CUX2: variants seen among roughly 807,000 people sequenced by gnomAD.
The protein encoded by CUX2 is cut like homeobox 2, also known as homeobox protein cut-like 2.
Under a neutral mutation model 144.8 loss-of-function variants are expected in CUX2, and 40 were observed. The observed-to-expected ratio is 0.28, with a 90% CI of 0.21 to 0.36. CUX2 has a LOEUF of 0.36. Ranked by LOEUF, CUX2 falls within the 10% of genes least tolerant of loss-of-function variation. The pLI, the probability that CUX2 is intolerant of heterozygous loss-of-function variation, is 1.00. For synonymous variants in CUX2, 827 were observed against 875.6 expected (o/e 0.94, Z 0.98); for missense variants, 1,615 against 1,994.0 (o/e 0.81, Z 3.62).
At chr12:111,329,823 G>A (rs1888010828) in intron 18 of CUX2, among the ~76,000 whole-genome samples, 1 of 152,162 alleles carries the variant, frequency 6.6e-6, no homozygotes, top group Non-Finnish European at 1.5e-5. Flanking sequence ...TTTTAGTAGA[G>A]ATGGGGTTTC....
intron 1 of CUX2, among the ~76,000 whole-genome samples, chr12:111,197,819 C>T (rs1342900941): frequency 6.6e-6 from 1 of 152,198 alleles, no homozygotes; most frequent in Non-Finnish European, 1.5e-5. Flanking sequence ...AGTGAAATAA[C>T]ACAGCCCCAA....
At chr12:111,089,644 C>A (rs547887462) in intron 1 of CUX2, among the ~76,000 whole-genome samples, 1 of 152,286 alleles carries the variant, frequency 6.6e-6, no homozygotes, top group Non-Finnish European at 1.5e-5. Flanking sequence ...GAGGCAGCAT[C>A]GAAGCTGAGA....
At chr12:111,157,870 G>A (rs1033765891) in intron 1 of CUX2, among the ~76,000 whole-genome samples, 2 of 152,192 alleles carry the variant, frequency 1.3e-5, no homozygotes, top group Non-Finnish European at 2.9e-5. Flanking sequence ...GAAGAGGAAT[G>A]TTCACTGGCC....
chr12:111,073,894 T>G (rs1473362842), intron 1 of CUX2, among the ~76,000 whole-genome samples: 1 of 151,886 alleles, frequency 6.6e-6, no homozygotes, highest in Non-Finnish European at 1.5e-5. Flanking sequence ...AGTTCAAGGC[T>G]GCAGTGAGCG....
At chr12:111,217,991 C>T (rs1881641065) in intron 3 of CUX2, 54 bp downstream of exon 3, 3 of 1,597,520 alleles carry the variant, frequency 1.9e-6, no homozygotes, top group African/African-American at 1.3e-5. Context: ...GGCTCCCCCT[C>T]CTATCCCACC....
At chr12:111,043,788 T>C (rs1406508537) in intron 1 of CUX2, among the ~76,000 whole-genome samples, 3 of 152,152 alleles carry the variant, frequency 2.0e-5, no homozygotes, top group Non-Finnish European at 4.4e-5. Flanking sequence ...AGGACACATA[T>C]CTAGGAAGAA....
At chr12:111,252,018 A>G (rs1023605815) in intron 3 of CUX2, among the ~76,000 whole-genome samples, 38 of 152,230 alleles carry the variant, frequency 2.5e-4, no homozygotes, top group African/African-American at 8.9e-4. Flanking sequence ...CACCTCTACA[A>G]AAAAAGAAAA....
chr12:111,229,532 AAAATG>A (rs2136242824), intron 3 of CUX2, among the ~76,000 whole-genome samples: 1 of 152,302 alleles, frequency 6.6e-6, no homozygotes, highest in Admixed American at 6.5e-5. Context: ...CCTGTTCCAT[AAAATG>A]GGTTCTTGTA....
chr12:111,308,620 G>T, intron 14 of CUX2, 94 bp downstream of exon 14: 1 of 1,046,386 alleles, frequency 9.6e-7, no homozygotes, highest in Non-Finnish European at 1.4e-6. Flanking sequence ...TGCCTTCCAT[G>T]CAGGCAGGAG....
chr12:111,275,021 C>T (rs893760467), intron 4 of CUX2, among the ~76,000 whole-genome samples: 11 of 151,760 alleles, frequency 7.2e-5, no homozygotes, highest in African/African-American at 2.7e-4. Context: ...ATGGAATAGG[C>T]GAAGTTGTAC....
In CUX2 at chr12:111,225,225, G is replaced by A. The variant is rs138524780; in HGVS notation, c.222+7288G>A. ...GCCCCAAGAACAAAGCCCACCACATGGTGAGTGTTCAGTGAGCATGAGTTG... is the reference window on the plus strand; with the variant it reads ...GCCCCAAGAACAAAGCCCACCACATAGTGAGTGTTCAGTGAGCATGAGTTG... On this transcript the variant is annotated intron_variant, in intron 3 of 21. Coordinates refer to ENST00000261726, the MANE Select transcript of CUX2 (RefSeq NM_015267.4). Among the ~76,000 whole-genome samples the A allele has an allele frequency of 5.1e-4, 78 of 152,294 alleles. 1 individual carries two copies. The highest frequency in any genetic ancestry group is 1.9e-3 in the African/African-American group (77 of 41,546).
rs1236745290 is a variant in CUX2, at chr12:111,130,442, T to C, written c.64-83758T>C. On this transcript the variant is annotated intron_variant, in intron 1 of 21. Coordinates refer to ENST00000261726, the MANE Select transcript of CUX2 (RefSeq NM_015267.4). ...TGACTGCTGCTTTGATGCTGCTGTC[T>C]GTTACAGTGAGTGTCCCCACTTGGC... is the stretch of plus-strand genomic sequence containing the variant. Among the ~76,000 whole-genome samples the C allele has an allele frequency of 2.6e-5, 4 of 152,258 alleles. No homozygotes were observed. In the East Asian group the frequency reaches 7.7e-4, roughly 29 times the overall value.
chr12:111,193,821 G>A (rs992634306), intron 1 of CUX2, among the ~76,000 whole-genome samples: 12 of 152,220 alleles, frequency 7.9e-5, no homozygotes, highest in Admixed American at 6.5e-4. Flanking sequence ...AAGGGCATGC[G>A]CAGACAGGTG....
At chr12:111,092,100 A>G (rs1017195146) in intron 1 of CUX2, among the ~76,000 whole-genome samples, 2 of 152,206 alleles carry the variant, frequency 1.3e-5, no homozygotes, top group African/African-American at 4.8e-5. Context: ...AGATGATGTG[A>G]ATTTTAGGGT....
intron 20 of CUX2, 51 bp downstream of exon 20, chr12:111,338,525 C>T (rs1888451394): frequency 6.5e-7 from 1 of 1,538,358 alleles, no homozygotes; most frequent in Admixed American, 1.8e-5. Context: ...AGATTTTCCC[C>T]AGAACCATAT....
chr12:111,113,049 G>T (rs1360466531), intron 1 of CUX2, among the ~76,000 whole-genome samples: 5 of 152,350 alleles, frequency 3.3e-5, no homozygotes, highest in Middle Eastern at 3.4e-3. Flanking sequence ...ATAGGAGCTT[G>T]CCAGGGAGGG....
chr12:111,235,296 G>A (rs893795130), intron 3 of CUX2, among the ~76,000 whole-genome samples: 5 of 152,152 alleles, frequency 3.3e-5, no homozygotes, highest in Non-Finnish European at 7.3e-5. Flanking sequence ...TGTGGGCAGA[G>A]GGAGGTACCA....
intron 1 of CUX2, among the ~76,000 whole-genome samples, chr12:111,041,328 T>A (rs185371880): frequency 6.6e-6 from 1 of 152,368 alleles, no homozygotes; most frequent in African/African-American, 2.4e-5. Flanking sequence ...TTTTAGAGTA[T>A]GAGAGGAGAA....
chr12:111,278,850 G>A (rs1884998500), intron 4 of CUX2, among the ~76,000 whole-genome samples: 1 of 152,192 alleles, frequency 6.6e-6, no homozygotes, highest in Non-Finnish European at 1.5e-5. Context: ...CCTCAGGTTT[G>A]CCAAGCTGCC....
Sources: allele counts gnomAD v4.1 joint callset (sites outside exome capture counted in the v4.1 genomes callset), GRCh38; gene constraint gnomAD v4.1.1; transcripts MANE v1.5; gene names NCBI Gene and HGNC (gene_info 2026-07-23, HGNC 2026-07-21).